The following TTPA variants were observed in gnomAD, a reference collection of about 807,000 sequenced individuals.
TTPA encodes alpha-tocopherol transfer protein.
A neutral mutation model predicts 25.9 loss-of-function variants in TTPA; 23 were observed. The observed-to-expected ratio is 0.89, with a 90% CI of 0.64 to 1.26. The LOEUF is 1.26. TTPA is among the 50% of genes most tolerant of loss of function. The pLI is 0.00. For synonymous variants in TTPA, 148 were observed against 137.3 expected, an observed-to-expected ratio of 1.08 and a Z score of -0.54; for missense variants, 337 against 353.1, an observed-to-expected ratio of 0.95 and a Z score of 0.37.
intron 1 of TTPA, among the ~76,000 whole-genome samples, chr8:63,082,003 A>G (rs539127534): frequency 6.6e-6 from 1 of 152,320 alleles, no homozygotes; most frequent in Admixed American, 6.5e-5. Flanking sequence ...GACACAAACA[A>G]ATGGAAGAAC....
In TTPA at chr8:63,061,186, C is replaced by G; in HGVS notation, c.*66G>C. 4 of 1,504,366 alleles carry G rather than the reference C, an allele frequency of 2.7e-6. No individual in the cohort carries two copies. The highest frequency in any genetic ancestry group is 3.7e-6 in the Non-Finnish European group (4 of 1,088,934). The allele number at this position is 1,504,366 out of a possible 1,614,324, so 93.2% of individuals were successfully genotyped here. On this transcript the variant is annotated 3_prime_UTR_variant, in exon 5 of 5. Coordinates refer to ENST00000260116, the MANE Select transcript of TTPA (RefSeq NM_000370.3). Reference sequence around the variant, plus strand: ...AAAGATTTGCTCCTTTTCTTTCATTCATTTAACCAGGTTGGATATCACTCA... The same window carrying G: ...AAAGATTTGCTCCTTTTCTTTCATTGATTTAACCAGGTTGGATATCACTCA...
chr8:63,076,739 A>C (rs563172481), intron 1 of TTPA, among the ~76,000 whole-genome samples: 4 of 152,350 alleles, frequency 2.6e-5, no homozygotes, highest in Admixed American at 2.6e-4. Flanking sequence ...ATACATATAT[A>C]TGTTTAATGC....
At chr8:63,080,706 C>G (rs1407867216) in intron 1 of TTPA, among the ~76,000 whole-genome samples, 4 of 137,520 alleles carry the variant, frequency 2.9e-5, no homozygotes, top group African/African-American at 1.1e-4. Context: ...GGTGACAGAG[C>G]GAGACTCCGT....
rs928983374 is a variant in TTPA, at chr8:63,085,891, G to T, written c.131C>A (p.Pro44Gln). The change falls in exon 1 of 5, where the codon CCG (proline) becomes CAG (glutamine). Residue 44 changes from proline (P) to glutamine (Q), a missense_variant. Transcript: ENST00000260116. Reference sequence around the variant, plus strand: ...CAGGAAGGAGTCGGTGAGCGGCAGCGGCGCGAGCGGGACGCCAGCTTCCCG... The same window carrying T: ...CAGGAAGGAGTCGGTGAGCGGCAGCTGCGCGAGCGGGACGCCAGCTTCCCG... ...RAREAGVPLA[P>Q]LPLTDSFLLR... 3 of 1,530,412 alleles carry T rather than the reference G, an allele frequency of 2.0e-6. No homozygotes were observed. Among genetic ancestry groups the T allele is most frequent in the Non-Finnish European group, 1.7e-6 (2 of 1,143,844 alleles). 94.8% of individuals were successfully genotyped at this position (1,530,412 alleles called of 1,614,324 possible).
At chr8:63,064,388 C>T (rs949148292) in intron 3 of TTPA, 72 bp from the exon 4 acceptor site, 4 of 998,296 alleles carry the variant, frequency 4.0e-6, no homozygotes, top group East Asian at 2.6e-5. Flanking sequence ...CAAGTTTCTT[C>T]TTTGAACACT....
chr8:63,075,259 A>G (rs192632189), intron 1 of TTPA, among the ~76,000 whole-genome samples: 1 of 152,344 alleles, frequency 6.6e-6, no homozygotes, highest in Non-Finnish European at 1.5e-5. Flanking sequence ...TGGGTTAACT[A>G]TGTTTTGTAA....
intron 1 of TTPA, among the ~76,000 whole-genome samples, chr8:63,074,342 A>G (rs1805529653): frequency 1.3e-5 from 2 of 152,126 alleles, no homozygotes; most frequent in African/African-American, 4.8e-5. Context: ...TGCCATCTGC[A>G]TTGCTCTGCT....
chr8:63,065,705 C>T (rs1161295301), intron 3 of TTPA, among the ~76,000 whole-genome samples, 199 bp downstream of exon 3: 1 of 152,098 alleles, frequency 6.6e-6, no homozygotes, highest in African/African-American at 2.4e-5. Flanking sequence ...CATATTTTTG[C>T]AGTTTGTTGC....
chr8:63,074,982 G>C (rs1805539545), intron 1 of TTPA, among the ~76,000 whole-genome samples: 1 of 152,184 alleles, frequency 6.6e-6, no homozygotes, highest in Non-Finnish European at 1.5e-5. Flanking sequence ...ACTGACTTCT[G>C]TAAAGAGGCA....
At chr8:63,076,129 T>A (rs1182695921) in intron 1 of TTPA, among the ~76,000 whole-genome samples, 1 of 152,206 alleles carries the variant, frequency 6.6e-6, no homozygotes, top group Non-Finnish European at 1.5e-5. Flanking sequence ...AATGGCTACA[T>A]AATTTCAGAC....
chr8:63,062,430 T>A (rs1019856607), intron 4 of TTPA, among the ~76,000 whole-genome samples: 2 of 152,174 alleles, frequency 1.3e-5, no homozygotes, highest in African/African-American at 4.8e-5. Flanking sequence ...TTAATAAGCA[T>A]CTATTATGTG....
At chr8:63,077,091 G>A (rs1335851962) in intron 1 of TTPA, among the ~76,000 whole-genome samples, 6 of 152,068 alleles carry the variant, frequency 3.9e-5, no homozygotes, top group Non-Finnish European at 8.8e-5. Context: ...TATAAGTAAT[G>A]TAACAGATAA....
intron 1 of TTPA, among the ~76,000 whole-genome samples, chr8:63,078,800 A>G (rs1805613133): frequency 6.6e-6 from 1 of 152,218 alleles, no homozygotes; most frequent in African/African-American, 2.4e-5. Flanking sequence ...CAACCTAGCA[A>G]GTCAGGCCAA....
In TTPA at chr8:63,066,243, G is replaced by C; in HGVS notation, c.359-146C>G. On this transcript the variant is annotated intron_variant, in intron 2 of 4. Coordinates refer to ENST00000260116, the MANE Select transcript of TTPA (RefSeq NM_000370.3). ...CAAGAATTGATTAATAAATCCAACT[G>C]GCGTCCAAGAACATGTGCCTGCTTC... The C allele has an allele frequency of 4.6e-6, 4 of 866,708 alleles. No individual in the cohort carries two copies. In the South Asian group the frequency reaches 6.6e-5, roughly 14 times the overall value. 53.7% of individuals were successfully genotyped at this position (866,708 alleles called of 1,614,324 possible). A position where few individuals can be genotyped will look rare whatever the true frequency, so the allele number is the denominator to read the frequency against.
intron 1 of TTPA, among the ~76,000 whole-genome samples, chr8:63,083,305 C>T (rs1347680654): frequency 1.3e-5 from 2 of 152,134 alleles, no homozygotes; most frequent in Non-Finnish European, 2.9e-5. Context: ...TACTATGCAG[C>T]CATAAAGAAG....
At chr8:63,066,533 A>G (rs929071990) in intron 2 of TTPA, among the ~76,000 whole-genome samples, 4 of 152,220 alleles carry the variant, frequency 2.6e-5, no homozygotes, top group African/African-American at 9.6e-5. Context: ...ATCCTCTGAC[A>G]GCCTTCCAGT....
intron 1 of TTPA, among the ~76,000 whole-genome samples, chr8:63,079,422 T>A (rs1474223207): frequency 6.6e-6 from 1 of 151,780 alleles, no homozygotes; most frequent in Admixed American, 6.6e-5. Context: ...ATCAGATGTC[T>A]ATAGCACATC....
intron 3 of TTPA, among the ~76,000 whole-genome samples, chr8:63,064,956 T>C (rs1320587947): frequency 6.6e-6 from 1 of 152,196 alleles, no homozygotes; most frequent in Non-Finnish European, 1.5e-5. Context: ...ATCCCTTCTA[T>C]GCATAATTTT....
chr8:63,063,309 C>T (rs1323635101), intron 4 of TTPA, among the ~76,000 whole-genome samples: 1 of 152,004 alleles, frequency 6.6e-6, no homozygotes, highest in Non-Finnish European at 1.5e-5. Context: ...TATTTTCAAC[C>T]TTTCAAAAAG....
Sources: allele counts gnomAD v4.1 joint callset (sites outside exome capture counted in the v4.1 genomes callset), GRCh38; gene constraint gnomAD v4.1.1; transcripts MANE v1.5; gene names NCBI Gene and HGNC (gene_info 2026-07-23, HGNC 2026-07-21).